Variants in TENM2 observed in about 807,000 individuals in gnomAD.
TENM2 encodes teneurin-2.
A neutral mutation model predicts 245.2 loss-of-function variants in TENM2; 52 were observed. That is an observed-to-expected ratio of 0.21 (90% CI 0.17 to 0.27). The LOEUF (loss-of-function observed/expected upper bound fraction) is 0.27. Among genes scored for constraint, TENM2 ranks in the 10% least tolerant of loss-of-function variants. The pLI is 1.00. For missense variants in TENM2, 3,046 were observed against 3,666.8 expected (o/e 0.83, Z 4.37); for synonymous variants, 1,363 against 1,438.9 (o/e 0.95, Z 1.19).
intron 2 of TENM2, among the ~76,000 whole-genome samples, chr5:167,423,926 G>A (rs562370816): frequency 6.6e-6 from 1 of 152,220 alleles, no homozygotes; most frequent in Non-Finnish European, 1.5e-5. Flanking sequence ...CCCCTTAAAT[G>A]TCCTGCGCTA....
At chr5:167,263,259 C>T in the TENM2 span, among the ~76,000 whole-genome samples, 17 of 149,448 alleles carry the variant, frequency 1.1e-4, no homozygotes, top group African/African-American at 4.2e-4. Context: ...ACTTTTTCTC[C>T]TTATAATGCT....
At chr5:167,823,163 C>CCCTT (rs1184274500) in intron 2 of TENM2, among the ~76,000 whole-genome samples, 2 of 151,582 alleles carry the variant, frequency 1.3e-5, no homozygotes, top group African/African-American at 4.9e-5. Context: ...TGGGAAATTT[C>CCCTT]CCTTTTTTTT....
intron 2 of TENM2, among the ~76,000 whole-genome samples, chr5:167,563,720 A>G (rs187233852): frequency 8.5e-4 from 130 of 152,308 alleles, no homozygotes; most frequent in Admixed American, 1.4e-3. Context: ...AACCGTTTTT[A>G]TCTTCTATAC....
the TENM2 span, among the ~76,000 whole-genome samples, chr5:167,268,609 A>T: frequency 1.3e-5 from 2 of 152,176 alleles, no homozygotes; most frequent in African/African-American, 4.8e-5. Context: ...TATGTACATA[A>T]TAGCAGAGGT....
chr5:167,001,868 C>T, the TENM2 span, among the ~76,000 whole-genome samples: 1 of 151,958 alleles, frequency 6.6e-6, no homozygotes, highest in Non-Finnish European at 1.5e-5. Context: ...TTCGGAGTCT[C>T]CAAATGCTTA....
rs1758285529 is a variant in TENM2, at chr5:167,343,965, ACT to A, written c.227-31227_227-31226del. Reference sequence around the variant, plus strand: ...TTTAGAGTGGAAAGGAAACTTAAAAACTCTCTCCTCTAACTAATTTGTCTTAA... The same window carrying A: ...TTTAGAGTGGAAAGGAAACTTAAAAACTCTCCTCTAACTAATTTGTCTTAA... On this transcript the variant is annotated intron_variant, in intron 1 of 28. Coordinates refer to ENST00000518659, the Ensembl canonical transcript of TENM2. Among the ~76,000 whole-genome samples the A allele has an allele frequency of 2.0e-5, 3 of 151,184 alleles. No individual in the cohort carries two copies. In the South Asian group the frequency reaches 6.2e-4, roughly 31 times the overall value.
At chr5:167,789,870 G>C (rs1764829109) in intron 2 of TENM2, among the ~76,000 whole-genome samples, 1 of 152,158 alleles carries the variant, frequency 6.6e-6, no homozygotes, top group Non-Finnish European at 1.5e-5. Flanking sequence ...TTTAAAAATA[G>C]TACTCAGCAC....
chr5:167,850,121 C>A lies in TENM2; in HGVS notation c.503-25865C>A, dbSNP rs114441537. Among the ~76,000 whole-genome samples the A allele has an allele frequency of 8.4e-3, 1,275 of 152,244 alleles. 15 individuals are homozygous for A. Among genetic ancestry groups the A allele is most frequent in the African/African-American group, 0.029 (1,197 of 41,538 alleles). Reference sequence around the variant, plus strand: ...CCACATCCCAAAGCTATCAAGATGACCCCAGCCACCAGTCGTCTCATGAGA... The same window carrying A: ...CCACATCCCAAAGCTATCAAGATGAACCCAGCCACCAGTCGTCTCATGAGA... On this transcript the variant is annotated intron_variant, in intron 2 of 28. Coordinates refer to ENST00000518659, the Ensembl canonical transcript of TENM2.
At chr5:167,350,213 C>T (rs1347005586) in intron 1 of TENM2, among the ~76,000 whole-genome samples, 1 of 152,068 alleles carries the variant, frequency 6.6e-6, no homozygotes, top group Non-Finnish European at 1.5e-5. Context: ...CCTGGTCCTC[C>T]TTGTTTGATA....
intron 2 of TENM2, among the ~76,000 whole-genome samples, chr5:167,512,326 C>T (rs1770020910): frequency 6.6e-6 from 1 of 152,178 alleles, no homozygotes; most frequent in Admixed American, 6.5e-5. Context: ...ATGGCCCACA[C>T]AGCTGTTAAT....
intron 2 of TENM2, among the ~76,000 whole-genome samples, chr5:167,457,999 T>C (rs866120524): frequency 2.6e-5 from 4 of 152,220 alleles, no homozygotes; most frequent in Admixed American, 1.3e-4. Flanking sequence ...CTTGATTTTT[T>C]TTTAATACGA....
At chr5:167,769,037 A>G (rs1048993907) in intron 2 of TENM2, among the ~76,000 whole-genome samples, 1 of 152,194 alleles carries the variant, frequency 6.6e-6, no homozygotes, top group African/African-American at 2.4e-5. Flanking sequence ...TGTTCAGTTG[A>G]TGTTGAAAAC....
At chr5:167,375,608 T>G in intron 2 of TENM2, 135 bp downstream of exon 4, 1 of 909,384 alleles carries the variant, frequency 1.1e-6, no homozygotes, top group Non-Finnish European at 1.7e-6. Flanking sequence ...CTACCCAGTG[T>G]GAGCTGGGGG....
At chr5:167,836,424 C>T (rs1425232768) in intron 2 of TENM2, among the ~76,000 whole-genome samples, 2 of 152,178 alleles carry the variant, frequency 1.3e-5, no homozygotes, top group African/African-American at 4.8e-5. Flanking sequence ...GTGGATGGTC[C>T]AATTGAGGTG....
chr5:167,275,202 C>T, the TENM2 span, among the ~76,000 whole-genome samples: 6 of 152,136 alleles, frequency 3.9e-5, no homozygotes, highest in South Asian at 6.2e-4. Context: ...CCTGGGTTCT[C>T]TATTGTATCC....
At chr5:167,838,327 G>C (rs1676455399) in intron 2 of TENM2, among the ~76,000 whole-genome samples, 1 of 152,230 alleles carries the variant, frequency 6.6e-6, no homozygotes, top group Non-Finnish European at 1.5e-5. Context: ...ACTGGCTGCT[G>C]TGGGAGGAAG....
chr5:167,071,878 G>GCCCCCCCCCCCCCCCCCCCCCCCCC, the TENM2 span, among the ~76,000 whole-genome samples: 15 of 124,012 alleles, frequency 1.2e-4, no homozygotes, highest in Admixed American at 2.8e-4. Context: ...TTGACAAATC[G>GCCCCCCCCCCCCCCCCCCCCCCCCC]CCCCCCCCCG....
chr5:167,975,773 T>C (rs1195246025), intron 4 of TENM2, among the ~76,000 whole-genome samples: 2 of 151,850 alleles, frequency 1.3e-5, no homozygotes, highest in Non-Finnish European at 2.9e-5. Flanking sequence ...AAGAGTCTGA[T>C]GTAAATTCAA....
chr5:167,255,514 G>A, the TENM2 span, among the ~76,000 whole-genome samples: 3 of 152,152 alleles, frequency 2.0e-5, no homozygotes, highest in Non-Finnish European at 4.4e-5. Context: ...GAAATGACAA[G>A]CCGACTATAA....
Sources: gnomAD v4.1 joint callset for allele counts (sites outside exome capture counted in the v4.1 genomes callset) on GRCh38, gnomAD v4.1.1 for gene constraint, MANE v1.5 for transcripts, NCBI Gene and HGNC (gene_info 2026-07-23, HGNC 2026-07-21) for gene names.